PDZD7: variants seen among roughly 807,000 people sequenced by gnomAD.
PDZD7 encodes PDZ domain containing 7.
PDZD7 carries 72 observed loss-of-function variants against 84.7 expected under a neutral mutation model. The ratio of observed to expected loss-of-function variants is 0.85; its 90% CI spans 0.70 to 1.03. The LOEUF is 1.03. Among genes scored for constraint, PDZD7 ranks in the 50% least tolerant of loss-of-function variants. The pLI is 0.00. For missense variants in PDZD7, 1,490 were observed against 1,412.9 expected, an observed-to-expected ratio of 1.05 and a Z score of -0.87; for synonymous variants, 594 against 580.7, an observed-to-expected ratio of 1.02 and a Z score of -0.33.
At chr10:101,030,480 C>A in intron 1 of PDZD7, 96 bp from the exon 2 acceptor site, 1 of 624,520 alleles carries the variant, frequency 1.6e-6, no homozygotes, top group Non-Finnish European at 2.9e-6. Flanking sequence ...GCATCCTGCC[C>A]TCCCATGCCT....
In PDZD7 at chr10:101,011,909, G is replaced by A. The variant is rs1448344077; in HGVS notation, c.1933+16C>T. On this transcript the variant is annotated intron_variant, in intron 13 of 16. Coordinates refer to ENST00000619208, the MANE Select transcript of PDZD7 (RefSeq NM_001195263.2). ...GCAGGGCTCAGGACCCAGAAGCCCC[G>A]CCCCCCACTGCTGACCTGCCCTGCT... 2.6e-6 allele frequency: 4 copies of A among 1,549,554 alleles called. No homozygotes were observed. Among genetic ancestry groups the A allele is most frequent in the Middle Eastern group, 1.8e-4 (1 of 5,418 alleles).
rs11190793 is a variant in PDZD7, at chr10:101,018,011, C to G, written c.1522+88G>C. ...TTGAGTAGGGACTCAGCTGGTAAGA[C>G]GCGGTGTGGGATCTCAACTCAGAAC... On this transcript the variant is annotated intron_variant, in intron 9 of 16. Transcript: ENST00000619208. The G allele has an allele frequency of 0.57, 880,070 of 1,532,066 alleles. 258,173 individuals are homozygous for G. Among genetic ancestry groups the G allele is most frequent in the African/African-American group, 0.77 (56,691 of 73,306 alleles). The allele number at this position is 1,532,066 out of a possible 1,614,324, so 94.9% of individuals were successfully genotyped here.
At chr10:101,008,993 T>A in intron 16 of PDZD7, 143 bp from the exon 17 acceptor site, 1 of 1,135,258 alleles carries the variant, frequency 8.8e-7, no homozygotes, top group Non-Finnish European at 1.2e-6. Flanking sequence ...ATGAGACTTT[T>A]GTGCCTGCAG....
chr10:101,010,553 C>T lies in PDZD7; in HGVS notation c.2336G>A (p.Arg779His), dbSNP rs564438989. The T allele has an allele frequency of 4.7e-5, 70 of 1,491,558 alleles. No individual in the cohort carries two copies. In the East Asian group the frequency reaches 1.7e-3, roughly 35 times the overall value. 92.4% of individuals were successfully genotyped at this position (1,491,558 alleles called of 1,614,324 possible). A position where few individuals can be genotyped will look rare whatever the true frequency, so the allele number is the denominator to read the frequency against. ...ACCCCGGCTGCTGCGGCTGCGGCTG[C>T]GGCTACGGCTGCGGCTACGGCTCTG... ...RAQSRSRSRS[R>H]SRSRSSRGQG... The change falls in exon 15 of 17, where the codon CGC becomes CAC. Residue 779 changes from arginine to histidine, a missense_variant. Arg to His is a conservative substitution (Grantham distance 29). Coordinates refer to ENST00000619208, the MANE Select transcript of PDZD7 (RefSeq NM_001195263.2).
intron 2 of PDZD7, among the ~76,000 whole-genome samples, chr10:101,028,098 G>A (rs1232212911): frequency 1.3e-5 from 2 of 152,150 alleles, no homozygotes; most frequent in African/African-American, 2.4e-5. Flanking sequence ...CGGTGACTTG[G>A]GAGATACCTG....
At position 101,027,490 on chromosome 10, in the gene PDZD7, G is replaced by A. The variant is rs529181995; in HGVS notation, c.226+2504C>T. ...TACCTCTTGTAGGGCTTCTCAAAGCGTAATCCTGGATCAGCAGCGTCAGTG... is the reference window on the plus strand; with the variant it reads ...TACCTCTTGTAGGGCTTCTCAAAGCATAATCCTGGATCAGCAGCGTCAGTG... On this transcript the variant is annotated intron_variant, in intron 2 of 16. Coordinates refer to ENST00000619208, the MANE Select transcript of PDZD7 (RefSeq NM_001195263.2). Among the ~76,000 whole-genome samples, 16 of 152,258 alleles carry A rather than the reference G, an allele frequency of 1.1e-4. No homozygotes were observed. In the South Asian group the frequency reaches 2.3e-3, roughly 22 times the overall value.
In PDZD7 at chr10:101,012,072, G is replaced by A. The variant is rs1490707619; in HGVS notation, c.1842-56C>T. The A allele has an allele frequency of 5.1e-5, 78 of 1,540,396 alleles. No individual in the cohort carries two copies. The African/African-American group carries it at 5.3e-4, about 11-fold the overall frequency. On this transcript the variant is annotated intron_variant, in intron 12 of 16. Transcript: ENST00000619208. Reference sequence around the variant, plus strand: ...GAGGGGCAGGCAGGATTTCAGTTCCGGAGGTGCCAGGATGCCCTTCAGCCC... The same window carrying A: ...GAGGGGCAGGCAGGATTTCAGTTCCAGAGGTGCCAGGATGCCCTTCAGCCC...
At chr10:101,012,708 A>T (rs929052485) in intron 11 of PDZD7, among the ~76,000 whole-genome samples, 5 of 152,160 alleles carry the variant, frequency 3.3e-5, no homozygotes, top group Non-Finnish European at 5.9e-5. Flanking sequence ...ATGTGCAGGG[A>T]GTGGACTCTC....
intron 9 of PDZD7, chr10:101,017,647 A>G: frequency 2.9e-6 from 2 of 700,944 alleles, no homozygotes; most frequent in Non-Finnish European, 5.2e-6. Flanking sequence ...TTAGCTGAGC[A>G]TGGTGATGCA....
chr10:101,009,121 C>T lies in PDZD7; in HGVS notation c.2718+129G>A, dbSNP rs913814284. 1.6e-5 allele frequency: 14 copies of T among 896,280 alleles called. No individual in the cohort carries two copies. In the African/African-American group the frequency reaches 2.2e-4, roughly 14 times the overall value. The allele number at this position is 896,280 out of a possible 1,614,324, so 55.5% of individuals were successfully genotyped here. A position where few individuals can be genotyped will look rare whatever the true frequency, so the allele number is the denominator to read the frequency against. ...CTGCTCATCCTGCTCACCTGAACCC[C>T]CTCACCCCAAGCCTCCTCCCACAAC... On this transcript the variant is annotated intron_variant, in intron 16 of 16. Transcript: ENST00000619208.
In PDZD7 at chr10:101,008,098, C is replaced by T; in HGVS notation, c.*369G>A. On this transcript the variant is annotated 3_prime_UTR_variant, in exon 17 of 17. Transcript: ENST00000619208. The stretch of plus-strand genomic sequence containing the variant: ...TGAGGAATGGATGCATTGACCCCTT[C>T]AGGGCCCTGTCTGAGAGTCTGTGTC... The T allele has an allele frequency of 3.4e-6, 1 of 294,284 alleles. No homozygotes were observed. Among genetic ancestry groups the T allele is most frequent in the Non-Finnish European group, 6.3e-6 (1 of 158,020 alleles). 18.2% of individuals were successfully genotyped at this position (294,284 alleles called of 1,614,324 possible). A position where few individuals can be genotyped will look rare whatever the true frequency, so the allele number is the denominator to read the frequency against.
Position 101,009,288 on chromosome 10 carries a change from A to G in PDZD7, c.2680T>C (p.Phe894Leu), listed in dbSNP as rs571203897. Residue 894 changes from phenylalanine to leucine, a missense_variant, in exon 16 of 17, where the codon TTC (phenylalanine) becomes CTC (leucine). Transcript: ENST00000619208. The stretch of plus-strand genomic sequence containing the variant: ...CTGAGGAAAGCGGCCCCCCCAGGGA[A>G]GATCTTCTCTATCTTCACCATGGGC... The part of the protein sequence containing the change: ...VQPMVKIEKI[F>L]PGGAAFLSGA... The G allele has an allele frequency of 5.9e-5, 91 of 1,535,996 alleles. No homozygotes were observed. The African/African-American group carries it at 1.1e-3, about 19-fold the overall frequency.
intron 7 of PDZD7, 141 bp downstream of exon 7, chr10:101,020,477 A>T: frequency 1.3e-6 from 1 of 769,140 alleles, no homozygotes. Context: ...TACTCAAGCG[A>T]TCCTCCCACC....
chr10:101,010,407 C>T lies in PDZD7; in HGVS notation c.2482G>A (p.Gly828Arg). 6.5e-7 allele frequency: 1 copy of T among 1,536,196 alleles called. No individual in the cohort carries two copies. The highest frequency in any genetic ancestry group is 8.7e-7 in the Non-Finnish European group (1 of 1,146,936). Residue 828 changes from glycine (G) to arginine (R), a missense_variant, in exon 15 of 17, where the codon GGG becomes AGG. Coordinates refer to ENST00000619208, the MANE Select transcript of PDZD7 (RefSeq NM_001195263.2). ...TTGGCCCCCACCTTGGCTGCCTCCC[C>T]ATCCAGAGGTCGTGGCAGAGGGGGT... ...ARPPLPRPLD[G>R]EAAKVGAKQG... is the part of the protein sequence containing the mutation.
At chr10:101,021,666 T>G in intron 6 of PDZD7, 132 bp downstream of exon 6, 85 of 1,379,176 alleles carry the variant, frequency 6.2e-5, no homozygotes, top group Non-Finnish European at 8.5e-5. Context: ...AAAACAGGGA[T>G]GAGAACAATG....
At chr10:101,017,972 G>T in intron 9 of PDZD7, 127 bp downstream of exon 9, 1 of 1,035,302 alleles carries the variant, frequency 9.7e-7, no homozygotes, top group Non-Finnish European at 1.5e-6. Context: ...TGAGGAAACT[G>T]AGGCTCTCAG....
chr10:101,011,017 G>A (rs576348194), intron 14 of PDZD7, 134 bp from the exon 15 acceptor site: 131 of 1,478,868 alleles, frequency 8.9e-5, no homozygotes, highest in Admixed American at 2.4e-4. Context: ...CCCACCCACC[G>A]GGGAGGCAGA....
intron 9 of PDZD7, chr10:101,017,867 G>T (rs1852752142): frequency 4.8e-6 from 2 of 418,564 alleles, no homozygotes; most frequent in Non-Finnish European, 8.0e-6. Context: ...AAGAAAGAAA[G>T]AAAGAAAGAA....
chr10:101,011,696 CG>C lies in PDZD7; in HGVS notation c.1998del (p.Val667CysfsTer13), dbSNP rs1285966344. On this transcript the variant is annotated frameshift_variant, in exon 14 of 17. Coordinates refer to ENST00000619208, the MANE Select transcript of PDZD7 (RefSeq NM_001195263.2). LOFTEE classifies it high-confidence loss of function. Reference sequence around the variant, plus strand: ...CTCTGGGACTCTGACTGACCAGGCACGGGGGTGATAAGGTGACGCTTGGGTG... The same window carrying C: ...CTCTGGGACTCTGACTGACCAGGCACGGGGTGATAAGGTGACGCTTGGGTG... ...DTPPKRHLITPVPDSRGGFYL... is the reference protein window; with the variant it reads ...DTPPKRHLITXVPDSRGGFYL... 1 of 1,538,994 alleles carries C rather than the reference CG, an allele frequency of 6.5e-7. No individual in the cohort carries two copies.
Sources: gnomAD v4.1 joint callset for allele counts (sites outside exome capture counted in the v4.1 genomes callset) on GRCh38, gnomAD v4.1.1 for gene constraint, MANE v1.5 for transcripts, NCBI Gene and HGNC (gene_info 2026-07-23, HGNC 2026-07-21) for gene names.